The following CDH13 variants were observed in gnomAD, a reference collection of about 807,000 sequenced individuals.
CDH13 encodes the protein cadherin 13.
CDH13 carries 24 observed loss-of-function variants against 63.8 expected under a neutral mutation model. That is an observed-to-expected ratio of 0.38 (90% confidence interval 0.27 to 0.53). The LOEUF (loss-of-function observed/expected upper bound fraction) is 0.53, where lower values mean the gene tolerates loss of function less well. Ranked by LOEUF, CDH13 falls within the 20% of genes least tolerant of loss-of-function variation. The pLI is 0.85. For synonymous variants in CDH13, 503 were observed against 355.3 expected, an observed-to-expected ratio of 1.42 and a Z score of -4.67; for missense variants, 1,049 against 903.1, an observed-to-expected ratio of 1.16 and a Z score of -2.07.
chr16:83,586,571 T>TA (rs1366653832), intron 7 of CDH13, among the ~76,000 whole-genome samples: 1 of 152,222 alleles, frequency 6.6e-6, no homozygotes, highest in Non-Finnish European at 1.5e-5. Flanking sequence ...CTTGCTCTGC[T>TA]AACGATCCAG....
At chr16:83,577,091 T>A (rs1258254605) in intron 7 of CDH13, among the ~76,000 whole-genome samples, 1 of 152,218 alleles carries the variant, frequency 6.6e-6, no homozygotes, top group Non-Finnish European at 1.5e-5. Context: ...TATAGCTCCC[T>A]GGATACCTGG....
intron 2 of CDH13, among the ~76,000 whole-genome samples, chr16:82,974,004 C>T (rs144763766): frequency 9.6e-4 from 146 of 152,296 alleles, no homozygotes; most frequent in Non-Finnish European, 1.7e-3. Flanking sequence ...ACTGCAACCT[C>T]TGCCTCCCCG....
intron 1 of CDH13, among the ~76,000 whole-genome samples, chr16:82,736,680 T>C (rs532560443): frequency 7.9e-5 from 12 of 152,364 alleles, no homozygotes; most frequent in Non-Finnish European, 1.6e-4. Context: ...ATTTTTCTGA[T>C]GTTTATCACC....
At chr16:83,011,194 T>A (rs1169863082) in intron 2 of CDH13, among the ~76,000 whole-genome samples, 1 of 152,150 alleles carries the variant, frequency 6.6e-6, no homozygotes, top group African/African-American at 2.4e-5. Context: ...AGACTAGGTT[T>A]TTCTACATCT....
At chr16:83,366,242 A>G (rs2091255265) in intron 6 of CDH13, among the ~76,000 whole-genome samples, 2 of 152,238 alleles carry the variant, frequency 1.3e-5, no homozygotes, top group Non-Finnish European at 1.5e-5. Flanking sequence ...ATTTTCAAGT[A>G]TTCCCAATAC....
intron 4 of CDH13, among the ~76,000 whole-genome samples, chr16:83,201,531 G>C (rs919723730): frequency 4.6e-5 from 7 of 152,114 alleles, no homozygotes; most frequent in Non-Finnish European, 8.8e-5. Flanking sequence ...GCCATTACCA[G>C]ACACCACTGG....
intron 1 of CDH13, among the ~76,000 whole-genome samples, chr16:82,674,317 G>T (rs1913642263): frequency 6.6e-6 from 1 of 152,194 alleles, no homozygotes; most frequent in Admixed American, 6.5e-5. Context: ...CTTCAGGTCA[G>T]ACTAGAGATT....
chr16:82,830,674 T>C (rs1357116472), intron 1 of CDH13, among the ~76,000 whole-genome samples: 1 of 152,262 alleles, frequency 6.6e-6, no homozygotes, highest in African/African-American at 2.4e-5. Flanking sequence ...CATGATGGCA[T>C]GGACTATGTC....
chr16:83,547,135 G>A (rs2075400511), intron 7 of CDH13, among the ~76,000 whole-genome samples: 1 of 152,158 alleles, frequency 6.6e-6, no homozygotes, highest in Non-Finnish European at 1.5e-5. Context: ...ATCTAGTGGG[G>A]GAGGCAAACT....
intron 1 of CDH13, among the ~76,000 whole-genome samples, chr16:82,724,692 A>C (rs1233278232): frequency 6.6e-6 from 1 of 152,180 alleles, no homozygotes; most frequent in Non-Finnish European, 1.5e-5. Context: ...CAAGTAATGC[A>C]ATTGGAAAGG....
intron 8 of CDH13, among the ~76,000 whole-genome samples, chr16:83,662,629 G>A (rs761824114): frequency 6.6e-5 from 10 of 152,040 alleles, no homozygotes; most frequent in Non-Finnish European, 1.3e-4. Context: ...TTATCCTATT[G>A]TACATGCTTT....
At chr16:82,744,473 C>T (rs1207326852) in intron 1 of CDH13, among the ~76,000 whole-genome samples, 2 of 152,044 alleles carry the variant, frequency 1.3e-5, no homozygotes, top group East Asian at 3.9e-4. Context: ...ATTTTCTGAA[C>T]CCAATTGGTC....
At chr16:82,907,290 C>T (rs1316325298) in intron 2 of CDH13, among the ~76,000 whole-genome samples, 5 of 152,058 alleles carry the variant, frequency 3.3e-5, no homozygotes, top group African/African-American at 1.2e-4. Flanking sequence ...CACAGTGACC[C>T]CCGCTGCCCC....
At chr16:82,863,668 T>A (rs1597835469) in intron 2 of CDH13, among the ~76,000 whole-genome samples, 1 of 152,320 alleles carries the variant, frequency 6.6e-6, no homozygotes, top group African/African-American at 2.4e-5. Flanking sequence ...TTATTGTCCT[T>A]ATAATTTCTG....
intron 1 of CDH13, among the ~76,000 whole-genome samples, chr16:82,734,431 G>A (rs569339425): frequency 2.0e-4 from 30 of 152,170 alleles, no homozygotes; most frequent in Non-Finnish European, 2.8e-4. Flanking sequence ...TGTGTTTGAG[G>A]AGGCAGGTGC....
chr16:82,802,904 G>A (rs1182176563), intron 1 of CDH13, among the ~76,000 whole-genome samples: 1 of 152,140 alleles, frequency 6.6e-6, no homozygotes, highest in African/African-American at 2.4e-5. Flanking sequence ...TACCTTTGCT[G>A]TCCTCCTTAC....
At chr16:83,181,032 G>T in intron 4 of CDH13, 1 of 1,499,440 alleles carries the variant, frequency 6.7e-7, no homozygotes, top group Non-Finnish European at 8.9e-7. Flanking sequence ...ACTAGCACTC[G>T]GTATTTCAAA....
intron 6 of CDH13, among the ~76,000 whole-genome samples, chr16:83,400,073 C>G (rs1597929573): frequency 1.3e-5 from 2 of 151,678 alleles, no homozygotes; most frequent in African/African-American, 2.4e-5. Flanking sequence ...ATAGTACTGC[C>G]AAGAATTAGA....
intron 2 of CDH13, among the ~76,000 whole-genome samples, chr16:82,941,970 A>G (rs1190533545): frequency 6.6e-6 from 1 of 152,204 alleles, no homozygotes; most frequent in Admixed American, 6.5e-5. Flanking sequence ...TGCATGAATT[A>G]CAAGTCTCTT....
Sources: allele counts gnomAD v4.1 joint callset (sites outside exome capture counted in the v4.1 genomes callset), GRCh38; gene constraint gnomAD v4.1.1; transcripts MANE v1.5; gene names NCBI Gene and HGNC (gene_info 2026-07-23, HGNC 2026-07-21).